The following PDK4 variants were observed in gnomAD, a reference collection of about 807,000 sequenced individuals.
PDK4 encodes pyruvate dehydrogenase kinase 4.
PDK4 carries 43 observed loss-of-function variants against 51.7 expected under a neutral mutation model. The observed-to-expected ratio is 0.83, with a 90% confidence interval of 0.65 to 1.07. The LOEUF (loss-of-function observed/expected upper bound fraction) is 1.07. Ranked by LOEUF, PDK4 falls within the 50% of genes least tolerant of loss-of-function variation. PDK4 has a pLI of 0.00. For synonymous variants in PDK4, 170 were observed against 176.6 expected, an observed-to-expected ratio of 0.96 and a Z score of 0.30; for missense variants, 498 against 503.5, an observed-to-expected ratio of 0.99 and a Z score of 0.10.
At chr7:95,593,186 C>A (rs1469849184) in intron 3 of PDK4, among the ~76,000 whole-genome samples, 1 of 151,972 alleles carries the variant, frequency 6.6e-6, no homozygotes, top group African/African-American at 2.4e-5. Context: ...AGCCTTATAA[C>A]CAATGCATTC....
At chr7:95,586,313 G>A (rs149798894) in intron 10 of PDK4, among the ~76,000 whole-genome samples, 11,949 of 149,514 alleles carry the variant, frequency 0.08, 517 homozygotes, top group South Asian at 0.2. Context: ...TCTTGCCTCA[G>A]CCTCCCAAGT....
At position 95,596,471 on chromosome 7, in the gene PDK4, G is replaced by A. The variant is rs1791624785; in HGVS notation, c.-178C>T. On this transcript the variant is annotated 5_prime_UTR_variant, in exon 1 of 11. Transcript: ENST00000005178. Reference sequence around the variant, plus strand: ...GAGGGTGCCGCGGAGTGAAGAGTCTGGGCAGAGTCGGAGATGCAGTGGTTC... The same window carrying A: ...GAGGGTGCCGCGGAGTGAAGAGTCTAGGCAGAGTCGGAGATGCAGTGGTTC... The A allele has an allele frequency of 3.5e-6, 2 of 568,172 alleles. No homozygotes were observed. The highest frequency in any genetic ancestry group is 2.6e-5 in the South Asian group (1 of 38,708). The allele number at this position is 568,172 out of a possible 1,614,324, so 35.2% of individuals were successfully genotyped here.
chr7:95,586,861 C>G (rs190517114), intron 10 of PDK4, 149 bp downstream of exon 10: 1 of 555,636 alleles, frequency 1.8e-6, no homozygotes, highest in Non-Finnish European at 3.2e-6. Context: ...ATAATGTACA[C>G]ACACCCAGAA....
intron 2 of PDK4, chr7:95,594,803 T>C (rs1247896754): frequency 3.1e-6 from 1 of 322,900 alleles, no homozygotes; most frequent in Non-Finnish European, 5.5e-6. Context: ...AAAATTTTAT[T>C]ATAAAGTAAT....
intron 7 of PDK4, 78 bp from the exon 8 acceptor site, chr7:95,587,903 A>G: frequency 3.3e-6 from 3 of 920,004 alleles, no homozygotes; most frequent in Non-Finnish European, 5.2e-6. Context: ...TATGTTTAAA[A>G]TAAAAGTAGC....
rs747813883 is a variant in PDK4 at position 95,592,493 on chromosome 7, C to A, written c.616+18G>T. 1 of 1,415,604 alleles carries A rather than the reference C, an allele frequency of 7.1e-7. No homozygotes were observed. Among genetic ancestry groups the A allele is most frequent in the Admixed American group, 1.7e-5 (1 of 59,654 alleles). The allele number at this position is 1,415,604 out of a possible 1,614,324, so 87.7% of individuals were successfully genotyped here. ...TTGTACATTTTCAATAAGGGAAGTG[C>A]AGAAATACAGAACATACCTTGGACC... On this transcript the variant is annotated intron_variant, in intron 5 of 10. Transcript: ENST00000005178.
chr7:95,596,379 C>G lies in PDK4; in HGVS notation c.-86G>C, dbSNP rs986792386. ...AGCAGAGCCTGGTTCCGAGGGGGCG[C>G]GGCGCGTCCGGGCGAGGACTGCAGG... On this transcript the variant is annotated 5_prime_UTR_variant, in exon 1 of 11. Coordinates refer to ENST00000005178, the MANE Select transcript of PDK4 (RefSeq NM_002612.4). 7.8e-6 allele frequency: 11 copies of G among 1,413,810 alleles called. No individual in the cohort carries two copies. The highest frequency in any genetic ancestry group is 9.3e-6 in the Non-Finnish European group (10 of 1,080,128). The allele number at this position is 1,413,810 out of a possible 1,614,324, so 87.6% of individuals were successfully genotyped here. A position where few individuals can be genotyped will look rare whatever the true frequency, so the allele number is the denominator to read the frequency against.
chr7:95,591,020 C>A (rs115118820), intron 6 of PDK4, among the ~76,000 whole-genome samples: 3,035 of 152,246 alleles, frequency 0.02, 108 homozygotes, highest in African/African-American at 0.07. Flanking sequence ...TCACTGCAGC[C>A]TTGACTTCCT....
intron 10 of PDK4, 79 bp downstream of exon 10, chr7:95,586,931 C>T (rs1791489251): frequency 1.8e-5 from 14 of 782,784 alleles, no homozygotes; most frequent in South Asian, 4.8e-5. Flanking sequence ...GGGGAATTCA[C>T]TCCAGACCAT....
At chr7:95,586,445 G>A (rs961129960) in intron 10 of PDK4, among the ~76,000 whole-genome samples, 14 of 151,920 alleles carry the variant, frequency 9.2e-5, no homozygotes, top group African/African-American at 1.7e-4. Flanking sequence ...CACCTGCCTC[G>A]GCCTCCCAAA....
At position 95,596,385 on chromosome 7, in the gene PDK4, G is replaced by C; in HGVS notation, c.-92C>G. 7.2e-7 allele frequency: 1 copy of C among 1,392,708 alleles called. No homozygotes were observed. The highest frequency in any genetic ancestry group is 3.0e-5 in the East Asian group (1 of 33,778). 86.3% of individuals were successfully genotyped at this position (1,392,708 alleles called of 1,614,324 possible). On this transcript the variant is annotated 5_prime_UTR_variant, in exon 1 of 11. Coordinates refer to ENST00000005178, the MANE Select transcript of PDK4 (RefSeq NM_002612.4). ...GCCTGGTTCCGAGGGGGCGCGGCGC[G>C]TCCGGGCGAGGACTGCAGGTGCGCT...
At chr7:95,594,025 T>C (rs568478773) in intron 2 of PDK4, among the ~76,000 whole-genome samples, 45 of 152,360 alleles carry the variant, frequency 3.0e-4, no homozygotes, top group African/African-American at 1.1e-3. Flanking sequence ...TTCCTGACTG[T>C]TTTGTTTGGC....
intron 6 of PDK4, among the ~76,000 whole-genome samples, chr7:95,591,414 A>T (rs1157972004): frequency 1.3e-5 from 2 of 152,170 alleles, no homozygotes; most frequent in Non-Finnish European, 2.9e-5. Flanking sequence ...GAACTCTAGG[A>T]TTTATTCATG....
At chr7:95,590,710 T>C (rs1166683548) in intron 6 of PDK4, among the ~76,000 whole-genome samples, 2 of 152,234 alleles carry the variant, frequency 1.3e-5, no homozygotes, top group Non-Finnish European at 2.9e-5. Context: ...TGATTTTAAC[T>C]GTCACCATAA....
In PDK4 at chr7:95,592,707, G is replaced by T; in HGVS notation, c.529+53C>A. ...TAGTGAGACATCTAGTTATAGTATG[G>T]CTTATATTCTACACCCATGTCTATA... is the stretch of plus-strand genomic sequence containing the variant. On this transcript the variant is annotated intron_variant, in intron 4 of 10. Transcript: ENST00000005178. 4 of 1,447,346 alleles carry T rather than the reference G, an allele frequency of 2.8e-6. No individual in the cohort carries two copies. The Admixed American group carries it at 5.1e-5, about 18-fold the overall frequency. 89.7% of individuals were successfully genotyped at this position (1,447,346 alleles called of 1,614,324 possible).
chr7:95,590,553 C>T (rs1435903303), intron 6 of PDK4, among the ~76,000 whole-genome samples: 2 of 152,096 alleles, frequency 1.3e-5, no homozygotes, highest in African/African-American at 4.8e-5. Context: ...TTATTTTGTC[C>T]AACAGTTGGA....
At chr7:95,592,189 T>C in intron 5 of PDK4, 124 bp from the exon 6 acceptor site, 1 of 459,842 alleles carries the variant, frequency 2.2e-6, no homozygotes, top group Non-Finnish European at 3.9e-6. Context: ...TTTATGTATA[T>C]AAAAATATAT....
chr7:95,596,158 T>C lies in PDK4; in HGVS notation c.130+6A>G. The C allele has an allele frequency of 1.2e-6, 2 of 1,600,090 alleles. No individual in the cohort carries two copies. The highest frequency in any genetic ancestry group is 1.7e-6 in the Non-Finnish European group (2 of 1,173,812). ...GACCCAGCTTGGGCCCTGTGTCCCCTCTCACCAAAGTCCAGTAGCTGCTTC... is the reference window on the plus strand; with the variant it reads ...GACCCAGCTTGGGCCCTGTGTCCCCCCTCACCAAAGTCCAGTAGCTGCTTC... On this transcript the variant is annotated splice_donor_region_variant and intron_variant, in intron 1 of 10. Transcript: ENST00000005178.
chr7:95,585,440 C>T lies in PDK4; in HGVS notation c.*201G>A. ...CATTAAAAAATAAGGAGCTGGCCAT[C>T]TGTTAACTCCTGTAGTCTTGCACTA... On this transcript the variant is annotated 3_prime_UTR_variant, in exon 11 of 11. Coordinates refer to ENST00000005178, the MANE Select transcript of PDK4 (RefSeq NM_002612.4). 2.5e-6 allele frequency: 1 copy of T among 407,558 alleles called. No individual in the cohort carries two copies. The highest frequency in any genetic ancestry group is 4.4e-6 in the Non-Finnish European group (1 of 229,154). The allele number at this position is 407,558 out of a possible 1,614,324, so 25.2% of individuals were successfully genotyped here.
Sources: allele counts gnomAD v4.1 joint callset (sites outside exome capture counted in the v4.1 genomes callset), GRCh38; gene constraint gnomAD v4.1.1; transcripts MANE v1.5; gene names NCBI Gene and HGNC (gene_info 2026-07-23, HGNC 2026-07-21).